Variants in B3GAT3 observed in about 807,000 individuals in gnomAD.
B3GAT3 encodes the protein galactosylgalactosylxylosylprotein 3-beta-glucuronosyltransferase 3.
In B3GAT3, 19 loss-of-function variants were observed where a neutral mutation model predicts 33.1. The observed-to-expected ratio is 0.57, with a 90% CI of 0.40 to 0.84. The LOEUF (loss-of-function observed/expected upper bound fraction) is 0.84. Ranked by LOEUF, B3GAT3 falls within the 40% of genes least tolerant of loss-of-function variation. The probability of loss-of-function intolerance (pLI) is 0.00; values close to 1 mark genes in which losing one functional copy is unlikely to be tolerated. For synonymous variants in B3GAT3, 167 were observed against 193.5 expected (o/e 0.86, Z 1.14); for missense variants, 344 against 441.5 (o/e 0.78, Z 1.98).
At chr11:62,616,113 G>C (rs1364769381) in intron 4 of B3GAT3, 2 of 642,782 alleles carry the variant, frequency 3.1e-6, no homozygotes, top group Non-Finnish European at 4.8e-6. Flanking sequence ...GCGTGGTAGC[G>C]GGTGCCTGTA....
chr11:62,617,248 C>T lies in B3GAT3; in HGVS notation c.357G>A (p.Pro119=), dbSNP rs779358273. 7 of 1,613,062 alleles carry T rather than the reference C, an allele frequency of 4.3e-6. No individual in the cohort carries two copies. The highest frequency in any genetic ancestry group is 1.7e-4 in the Middle Eastern group (1 of 6,060). ...AGGCAGCCAGCAGCCCTGAGACCAG[C>T]GGGGTGGGACCCTCAGCATCCTCCA... ...LLVEDAEGPT[P]LVSGLLAASG... The change falls in exon 3 of 5, where the codon CCG becomes CCA. Residue 119 remains proline (P), a synonymous_variant. Transcript: ENST00000265471.
chr11:62,616,316 G>A (rs975607762), intron 4 of B3GAT3, 190 bp downstream of exon 4: 13 of 795,378 alleles, frequency 1.6e-5, no homozygotes, highest in Non-Finnish European at 2.2e-5. Context: ...CCCAGAACTC[G>A]GGGCAGAGTG....
Position 62,620,392 on chromosome 11 carries a change from T to C in B3GAT3, c.257+105A>G, listed in dbSNP as rs1002709423. 12 of 1,050,788 alleles carry C rather than the reference T, an allele frequency of 1.1e-5. No individual in the cohort carries two copies. In the African/African-American group the frequency reaches 1.7e-4, roughly 15 times the overall value. 65.1% of individuals were successfully genotyped at this position (1,050,788 alleles called of 1,614,324 possible). ...TTCATTTATCCTGTCTTTGGCATGC[T>C]CTAGTTTGAGGAACAACTCCTAGCC... On this transcript the variant is annotated intron_variant, in intron 2 of 4. Transcript: ENST00000265471.
In B3GAT3 at chr11:62,621,850, G is replaced by A; in HGVS notation, c.82+16C>T. ...CCTCGGGCCAGCCCGCCGCACCCCC[G>A]CCCCGCCCCGCTCACCGAGCTGTAC... is the stretch of plus-strand genomic sequence containing the variant. On this transcript the variant is annotated intron_variant, in intron 1 of 4. Coordinates refer to ENST00000265471, the MANE Select transcript of B3GAT3 (RefSeq NM_012200.4). The A allele has an allele frequency of 1.9e-6, 3 of 1,605,970 alleles. No individual in the cohort carries two copies. The highest frequency in any genetic ancestry group is 2.2e-5 in the East Asian group (1 of 44,472).
Position 62,616,708 on chromosome 11 carries a change from A to AC in B3GAT3, c.706dup (p.Val236GlyfsTer31). On this transcript the variant is annotated frameshift_variant, in exon 4 of 5. Coordinates refer to ENST00000265471, the MANE Select transcript of B3GAT3 (RefSeq NM_012200.4). LOFTEE classifies it high-confidence loss of function. ...CTCCCATGCTGTGTGGAAGCCCACT[A>AC]CCCGGCCGTCCTGTACCTGAGGGCC... 1 of 1,614,006 alleles carries AC rather than the reference A, an allele frequency of 6.2e-7. No homozygotes were observed. The highest frequency in any genetic ancestry group is 8.5e-7 in the Non-Finnish European group (1 of 1,179,974).
At chr11:62,621,378 A>G (rs1481075549) in intron 1 of B3GAT3, 3 of 454,028 alleles carry the variant, frequency 6.6e-6, no homozygotes, top group African/African-American at 6.0e-5. Context: ...ATAAAAGGGA[A>G]TGGAATTAAG....
chr11:62,617,144 T>C lies in B3GAT3; in HGVS notation c.461A>G (p.His154Arg), dbSNP rs1943048419. 6.2e-7 allele frequency: 1 copy of C among 1,613,906 alleles called. No homozygotes were observed. Among genetic ancestry groups the C allele is most frequent in the Admixed American group, 1.7e-5 (1 of 60,008 alleles). Reference sequence around the variant, plus strand: ...GTTCCGCTGCTCGACACCACGGGGATGAACCCAGCCAGGCTCGCCCTCCCG... The same window carrying C: ...GTTCCGCTGCTCGACACCACGGGGACGAACCCAGCCAGGCTCGCCCTCCCG... Reference protein sequence around the residue: ...RLREGEPGWVHPRGVEQRNKA... With the variant: ...RLREGEPGWVRPRGVEQRNKA... Residue 154 changes from histidine (H) to arginine (R), a missense_variant, in exon 3 of 5, where the codon CAT becomes CGT. Coordinates refer to ENST00000265471, the MANE Select transcript of B3GAT3 (RefSeq NM_012200.4).
intron 1 of B3GAT3, 48 bp from the exon 2 acceptor site, chr11:62,620,719 C>A: frequency 6.4e-7 from 1 of 1,566,000 alleles, no homozygotes; most frequent in Non-Finnish European, 8.7e-7. Context: ...GACAGAGAAC[C>A]GCAGAATGTT....
chr11:62,617,792 G>A (rs558424291), intron 2 of B3GAT3, among the ~76,000 whole-genome samples: 8 of 150,880 alleles, frequency 5.3e-5, no homozygotes, highest in Non-Finnish European at 8.8e-5. Context: ...CAGGAGAATC[G>A]CTTGAACCTG....
chr11:62,616,209 A>G (rs1943021371), intron 4 of B3GAT3: 3 of 550,600 alleles, frequency 5.4e-6, no homozygotes, highest in Non-Finnish European at 9.6e-6. Context: ...GCGCTACTGC[A>G]CTCCAGCCTG....
At chr11:62,619,724 T>TTTTG (rs1554969086) in intron 2 of B3GAT3, among the ~76,000 whole-genome samples, 15 of 137,212 alleles carry the variant, frequency 1.1e-4, no homozygotes, top group African/African-American at 4.1e-4. Context: ...TTTTTTTTTT[T>TTTTG]CAGAGACAAG....
Position 62,620,432 on chromosome 11 carries a change from ACTC to A in B3GAT3, c.257+62_257+64del, listed in dbSNP as rs1424374838. 51 of 1,517,050 alleles carry A rather than the reference ACTC, an allele frequency of 3.4e-5. No individual in the cohort carries two copies. In the African/African-American group the frequency reaches 4.9e-4, roughly 15 times the overall value. 94.0% of individuals were successfully genotyped at this position (1,517,050 alleles called of 1,614,324 possible). On this transcript the variant is annotated intron_variant, in intron 2 of 4. Coordinates refer to ENST00000265471, the MANE Select transcript of B3GAT3 (RefSeq NM_012200.4). ...AACTCCTAGCCCAGTGCCTCCCCAA[ACTC>A]CTCATCATCAACTCCAACTTCTTGG...
chr11:62,619,617 C>T (rs897197002), intron 2 of B3GAT3, among the ~76,000 whole-genome samples: 5 of 151,582 alleles, frequency 3.3e-5, no homozygotes, highest in South Asian at 2.1e-4. Context: ...CTGCAACCTC[C>T]GCCGCCCAGG....
intron 2 of B3GAT3, chr11:62,617,579 A>T (rs1299837112): frequency 3.3e-6 from 2 of 611,842 alleles, no homozygotes; most frequent in Non-Finnish European, 5.8e-6. Context: ...GTGGGAGACT[A>T]TAAATTAAGG....
At chr11:62,618,388 G>C (rs550663715) in intron 2 of B3GAT3, among the ~76,000 whole-genome samples, 25 of 152,008 alleles carry the variant, frequency 1.6e-4, no homozygotes, top group Admixed American at 6.5e-4. Context: ...AAGAGCTGGG[G>C]ATGGTGGCTC....
rs1943047756 is a variant in B3GAT3 at position 62,617,121 on chromosome 11, TC to T, written c.483del (p.Asn162ThrfsTer75). 6.2e-7 allele frequency: 1 copy of T among 1,613,732 alleles called. No homozygotes were observed. Among genetic ancestry groups the T allele is most frequent in the Admixed American group, 1.7e-5 (1 of 60,002 alleles). On this transcript the variant is annotated frameshift_variant, in exon 3 of 5. Transcript: ENST00000265471. LOFTEE classifies it high-confidence loss of function. ...GWVHPRGVEQRNKALDWLRGR... is the reference protein window; with the variant it reads ...GWVHPRGVEQXNKALDWLRGR... The stretch of plus-strand genomic sequence containing the variant: ...CCCCGGAGCCAGTCCAGGGCCTTGT[TC>T]CGCTGCTCGACACCACGGGGATGAA...
chr11:62,620,774 T>C lies in B3GAT3; in HGVS notation c.83-103A>G, dbSNP rs953611705. On this transcript the variant is annotated intron_variant, in intron 1 of 4. Coordinates refer to ENST00000265471, the MANE Select transcript of B3GAT3 (RefSeq NM_012200.4). ...AATCGTCTCATTAATTCCTAACCAATGCAGGTATCACCTTATGACTTCCCT... is the reference window on the plus strand; with the variant it reads ...AATCGTCTCATTAATTCCTAACCAACGCAGGTATCACCTTATGACTTCCCT... The C allele has an allele frequency of 3.0e-5, 35 of 1,171,880 alleles. No individual in the cohort carries two copies. The African/African-American group carries it at 5.0e-4, about 17-fold the overall frequency. 72.6% of individuals were successfully genotyped at this position (1,171,880 alleles called of 1,614,324 possible).
At chr11:62,619,132 C>CA (rs1943092661) in intron 2 of B3GAT3, among the ~76,000 whole-genome samples, 1 of 150,854 alleles carries the variant, frequency 6.6e-6, no homozygotes, top group African/African-American at 2.4e-5. Context: ...GCCTGGGCAA[C>CA]AGAGCAAGAC....
At chr11:62,621,191 C>T in intron 1 of B3GAT3, 1 of 456,164 alleles carries the variant, frequency 2.2e-6, no homozygotes, top group Non-Finnish European at 4.4e-6. Context: ...ATTGAATACT[C>T]TTCCTAGGAG....
Sources: allele counts gnomAD v4.1 joint callset (sites outside exome capture counted in the v4.1 genomes callset), GRCh38; gene constraint gnomAD v4.1.1; transcripts MANE v1.5; gene names NCBI Gene and HGNC (gene_info 2026-07-23, HGNC 2026-07-21).